NUBPL: variants seen among roughly 807,000 people sequenced by gnomAD.
The protein encoded by NUBPL is iron-sulfur cluster transfer protein NUBPL.
Under a neutral mutation model 45.7 loss-of-function variants are expected in NUBPL, and 31 were observed. The observed-to-expected ratio is 0.68, with a 90% confidence interval of 0.51 to 0.92. The LOEUF is 0.92. Ranked by LOEUF, NUBPL falls within the 40% of genes least tolerant of loss-of-function variation. The pLI, the probability that NUBPL is intolerant of heterozygous loss-of-function variation, is 0.00. For synonymous variants in NUBPL, 144 were observed against 140.9 expected, an observed-to-expected ratio of 1.02 and a Z score of -0.15; for missense variants, 401 against 398.7, an observed-to-expected ratio of 1.01 and a Z score of -0.05.
chr14:31,713,117 C>G (rs1478718088), intron 6 of NUBPL, among the ~76,000 whole-genome samples: 1 of 152,152 alleles, frequency 6.6e-6, no homozygotes, highest in Non-Finnish European at 1.5e-5. Context: ...TTAAATAAGA[C>G]AAACGTTAGT....
At chr14:31,804,340 C>G (rs1228378002) in intron 7 of NUBPL, among the ~76,000 whole-genome samples, 1 of 149,514 alleles carries the variant, frequency 6.7e-6, no homozygotes, top group Non-Finnish European at 1.5e-5. Context: ...TATCAGTTAA[C>G]AGTTCAAAAA....
At chr14:31,694,809 CA>C (rs1262124809) in intron 6 of NUBPL, among the ~76,000 whole-genome samples, 3 of 152,228 alleles carry the variant, frequency 2.0e-5, no homozygotes, top group Admixed American at 2.0e-4. Flanking sequence ...CCTCTGCACG[CA>C]GCCAGCAACA....
intron 7 of NUBPL, among the ~76,000 whole-genome samples, chr14:31,789,965 A>T (rs942672826): frequency 7.3e-6 from 1 of 137,926 alleles, no homozygotes; most frequent in Non-Finnish European, 1.6e-5. Flanking sequence ...TTTTATATTT[A>T]CAAATTTTAA....
rs539421435 is a variant in NUBPL, at chr14:31,623,353, T to C, written c.382+23974T>C. Reference sequence around the variant, plus strand: ...CTTTGAACTTGGACTTCTGAGTTAATGCTGGAATGAGTTAAGACTTTGGGG... The same window carrying C: ...CTTTGAACTTGGACTTCTGAGTTAACGCTGGAATGAGTTAAGACTTTGGGG... On this transcript the variant is annotated intron_variant, in intron 4 of 10. Transcript: ENST00000281081. Among the ~76,000 whole-genome samples the C allele has an allele frequency of 8.1e-4, 123 of 152,328 alleles. 5 individuals carry two copies. The South Asian group carries it at 0.024, about 30-fold the overall frequency.
intron 6 of NUBPL, among the ~76,000 whole-genome samples, chr14:31,756,870 G>T (rs1014595266): frequency 4.0e-5 from 6 of 148,674 alleles, no homozygotes; most frequent in Admixed American, 1.3e-4. Context: ...TTTGAGATAC[G>T]TCCCATCAAT....
intron 4 of NUBPL, among the ~76,000 whole-genome samples, chr14:31,667,465 G>T (rs757578797): frequency 6.6e-6 from 1 of 151,838 alleles, no homozygotes; most frequent in Non-Finnish European, 1.5e-5. Context: ...CTTTTATCAA[G>T]GTTCTTAGCT....
chr14:31,647,073 CTT>C (rs1566474047), intron 4 of NUBPL, among the ~76,000 whole-genome samples: 3 of 152,124 alleles, frequency 2.0e-5, no homozygotes, highest in Middle Eastern at 3.4e-3. Flanking sequence ...ATTTCAGTCT[CTT>C]TGTTAAATTT....
At chr14:31,742,281 T>C (rs924541658) in intron 6 of NUBPL, among the ~76,000 whole-genome samples, 29 of 105,782 alleles carry the variant, frequency 2.7e-4, no homozygotes, top group African/African-American at 8.6e-4. Flanking sequence ...CACACACACA[T>C]CTTCCTTTCC....
chr14:31,729,337 A>G (rs11156701), intron 6 of NUBPL, among the ~76,000 whole-genome samples: 43,437 of 146,238 alleles, frequency 0.3, 7,300 homozygotes, highest in South Asian at 0.43. Context: ...CAGACACCAT[A>G]TGCAGAATAT....
At chr14:31,685,138 G>C (rs1340125142) in intron 6 of NUBPL, among the ~76,000 whole-genome samples, 1 of 152,108 alleles carries the variant, frequency 6.6e-6, no homozygotes, top group Non-Finnish European at 1.5e-5. Context: ...TACAAATCCT[G>C]GGCATGTGAC....
At chr14:31,849,878 C>A (rs1202320679) in intron 9 of NUBPL, among the ~76,000 whole-genome samples, 1 of 152,202 alleles carries the variant, frequency 6.6e-6, no homozygotes, top group African/African-American at 2.4e-5. Context: ...GGCCTCATAC[C>A]TTGATGTGGT....
intron 8 of NUBPL, among the ~76,000 whole-genome samples, chr14:31,831,705 C>G (rs2040196319): frequency 6.6e-6 from 1 of 152,098 alleles, no homozygotes; most frequent in Non-Finnish European, 1.5e-5. Flanking sequence ...CAGGATTGTT[C>G]AGTTTGTCTA....
chr14:31,833,670 A>C (rs2040228852), intron 8 of NUBPL, among the ~76,000 whole-genome samples: 1 of 152,230 alleles, frequency 6.6e-6, no homozygotes, highest in Non-Finnish European at 1.5e-5. Flanking sequence ...TCTTCCATGC[A>C]GTCTTTCAGA....
chr14:31,770,135 G>A, intron 6 of NUBPL, among the ~76,000 whole-genome samples: 1 of 152,038 alleles, frequency 6.6e-6, no homozygotes, highest in East Asian at 1.9e-4. Context: ...ATTGCCTGGT[G>A]GGTTCATCTT....
intron 6 of NUBPL, among the ~76,000 whole-genome samples, chr14:31,745,280 C>T (rs1054772611): frequency 5.3e-5 from 8 of 152,034 alleles, no homozygotes; most frequent in Non-Finnish European, 1.2e-4. Context: ...CAATTCCCAC[C>T]TATGATTGAG....
rs745740670 is a variant in NUBPL, at chr14:31,599,311, A to T, written c.314A>T (p.Asp105Val). Residue 105 changes from aspartate (D) to valine (V), a missense_variant, in exon 4 of 11, where the codon GAT becomes GTT. Asp to Val is a radical substitution (Grantham distance 152). Coordinates refer to ENST00000281081, the MANE Select transcript of NUBPL (RefSeq NM_025152.3). ...NDSSKAIGLL[D>V]VDVYGPSVPK... Reference sequence around the variant, plus strand: ...CAGTCCAAGGCCATTGGTTTGCTAGATGTGGATGTGTATGGACCTTCAGTT... The same window carrying T: ...CAGTCCAAGGCCATTGGTTTGCTAGTTGTGGATGTGTATGGACCTTCAGTT... The T allele has an allele frequency of 1.2e-6, 2 of 1,612,416 alleles. No individual in the cohort carries two copies. The highest frequency in any genetic ancestry group is 2.2e-5 in the South Asian group (2 of 91,026).
intron 6 of NUBPL, among the ~76,000 whole-genome samples, chr14:31,705,052 G>A (rs2037417290): frequency 6.6e-6 from 1 of 152,166 alleles, no homozygotes; most frequent in Non-Finnish European, 1.5e-5. Flanking sequence ...TGTGTCTGGA[G>A]CTGTTTATTC....
intron 8 of NUBPL, among the ~76,000 whole-genome samples, chr14:31,838,969 T>A (rs2040327518): frequency 6.6e-6 from 1 of 152,172 alleles, no homozygotes; most frequent in South Asian, 2.1e-4. Context: ...TTCAGGGCTT[T>A]CGTTGAAGTA....
At chr14:31,666,125 T>C (rs996598399) in intron 4 of NUBPL, among the ~76,000 whole-genome samples, 2 of 149,890 alleles carry the variant, frequency 1.3e-5, no homozygotes, top group African/African-American at 4.9e-5. Flanking sequence ...TGTCTTTGCA[T>C]GAGATGGGTC....
Sources: allele counts gnomAD v4.1 joint callset (sites outside exome capture counted in the v4.1 genomes callset), GRCh38; gene constraint gnomAD v4.1.1; transcripts MANE v1.5; gene names NCBI Gene and HGNC (gene_info 2026-07-23, HGNC 2026-07-21).